Variants in AIF1L observed in about 807,000 individuals in gnomAD.
AIF1L encodes the protein allograft inflammatory factor 1-like.
Under a neutral mutation model 20.7 loss-of-function variants are expected in AIF1L, and 12 were observed. The ratio of observed to expected loss-of-function variants is 0.58; its 90% CI spans 0.37 to 0.94. The LOEUF (loss-of-function observed/expected upper bound fraction) is 0.94. Among genes scored for constraint, AIF1L ranks in the 40% least tolerant of loss-of-function variants. The pLI is 0.01. For synonymous variants in AIF1L, 76 were observed against 65.1 expected (o/e 1.17, Z -0.81); for missense variants, 173 against 185.3 (o/e 0.93, Z 0.39).
chr9:131,115,664 T>C (rs983130092), intron 4 of AIF1L, among the ~76,000 whole-genome samples: 2 of 131,100 alleles, frequency 1.5e-5, no homozygotes, highest in Non-Finnish European at 3.3e-5. Flanking sequence ...ATTTTGATCA[T>C]TTTTTTTTTT....
In AIF1L at chr9:131,121,107, T is replaced by G. The variant is rs1249429743; in HGVS notation, c.*785T>G. 2.8e-6 allele frequency: 2 copies of G among 715,214 alleles called. No individual in the cohort carries two copies. The allele number at this position is 715,214 out of a possible 1,614,324, so 44.3% of individuals were successfully genotyped here. On this transcript the variant is annotated 3_prime_UTR_variant, in exon 6 of 6. Coordinates refer to ENST00000247291, the MANE Select transcript of AIF1L (RefSeq NM_031426.4). ...GGTCAGCTCAGTGCTGTTCCACCTTTTAGGGAGGTTACTGAGGGGACCAGG... is the reference window on the plus strand; with the variant it reads ...GGTCAGCTCAGTGCTGTTCCACCTTGTAGGGAGGTTACTGAGGGGACCAGG...
chr9:131,102,840 C>T lies in AIF1L; in HGVS notation c.93+5977C>T, dbSNP rs561650722. The T allele has an allele frequency of 5.7e-5, 26 of 455,988 alleles. No homozygotes were observed. The East Asian group carries it at 1.4e-3, about 24-fold the overall frequency. The allele number at this position is 455,988 out of a possible 1,614,324, so 28.2% of individuals were successfully genotyped here. On this transcript the variant is annotated intron_variant, in intron 2 of 5. Transcript: ENST00000247291. The stretch of plus-strand genomic sequence containing the variant: ...ACGCCCCGGCATGGTGCTTCCTGTC[C>T]TTGGAGTTCTTGTCCAAGGCCTGAG...
intron 3 of AIF1L, among the ~76,000 whole-genome samples, chr9:131,113,104 G>T (rs538045120): frequency 7.2e-5 from 11 of 152,184 alleles, no homozygotes; most frequent in African/African-American, 2.6e-4. Context: ...TAAACAGAGA[G>T]CCGGGAAATA....
intron 2 of AIF1L, among the ~76,000 whole-genome samples, chr9:131,102,364 G>T (rs892188211): frequency 2.0e-5 from 3 of 152,184 alleles, no homozygotes; most frequent in East Asian, 1.9e-4. Context: ...AAGTATGCAG[G>T]TGTGTCTTTT....
In AIF1L at chr9:131,114,741, G is replaced by A. The variant is rs894682091; in HGVS notation, c.202+123G>A. On this transcript the variant is annotated intron_variant, in intron 4 of 5. Transcript: ENST00000247291. The stretch of plus-strand genomic sequence containing the variant: ...AAGGCTGGTGAATATGTTGCGCCGA[G>A]CCAGCCCCAGCCCCTTGCCTTCTGC... 92 of 1,239,704 alleles carry A rather than the reference G, an allele frequency of 7.4e-5. 3 individuals carry two copies. The highest frequency in any genetic ancestry group is 7.3e-4 in the South Asian group (60 of 82,488). The allele number at this position is 1,239,704 out of a possible 1,614,324, so 76.8% of individuals were successfully genotyped here.
intron 3 of AIF1L, chr9:131,114,189 C>T (rs1830956897): frequency 4.4e-6 from 1 of 226,772 alleles, no homozygotes; most frequent in African/African-American, 2.2e-5. Flanking sequence ...ACACCCATGC[C>T]TGCCCCCACC....
chr9:131,106,217 G>A, intron 2 of AIF1L: 1 of 1,535,894 alleles, frequency 6.5e-7, no homozygotes, highest in Non-Finnish European at 8.7e-7. Context: ...CGCAGCTACA[G>A]AGGATTTCAT....
chr9:131,111,588 C>G lies in AIF1L; in HGVS notation c.94-9C>G, dbSNP rs1341123016. The G allele has an allele frequency of 6.2e-6, 10 of 1,613,216 alleles. No homozygotes were observed. The highest frequency in any genetic ancestry group is 8.5e-6 in the Non-Finnish European group (10 of 1,179,406). ...TCCCTTGCTCAGCACTGTCCTCTCA[C>G]CTCTGTAGGAGTTTCTGTGTGACCA... On this transcript the variant is annotated splice_polypyrimidine_tract_variant and intron_variant, in intron 2 of 5. Coordinates refer to ENST00000247291, the MANE Select transcript of AIF1L (RefSeq NM_031426.4).
chr9:131,112,936 A>G (rs1170327921), intron 3 of AIF1L, among the ~76,000 whole-genome samples: 2 of 152,112 alleles, frequency 1.3e-5, no homozygotes, highest in African/African-American at 4.8e-5. Flanking sequence ...TGGGCCAGAC[A>G]GGAAGTTACA....
intron 3 of AIF1L, 59 bp from the exon 4 acceptor site, chr9:131,114,518 G>T: frequency 6.3e-7 from 1 of 1,590,482 alleles, no homozygotes; most frequent in Admixed American, 1.7e-5. Context: ...GAGCCACTGG[G>T]TCCCCACAGG....
chr9:131,109,657 TC>T (rs2133389445), intron 2 of AIF1L, among the ~76,000 whole-genome samples: 1 of 152,322 alleles, frequency 6.6e-6, no homozygotes, highest in South Asian at 2.1e-4. Flanking sequence ...GCCCTGTGCT[TC>T]CCCATCTGAA....
intron 2 of AIF1L, among the ~76,000 whole-genome samples, chr9:131,098,620 G>A (rs1168639634): frequency 6.6e-6 from 1 of 152,178 alleles, no homozygotes; most frequent in African/African-American, 2.4e-5. Context: ...TAGCCCTTGG[G>A]GAGGTGGGTT....
chr9:131,102,158 C>A (rs1019292231), intron 2 of AIF1L, among the ~76,000 whole-genome samples: 1 of 152,170 alleles, frequency 6.6e-6, no homozygotes, highest in Non-Finnish European at 1.5e-5. Context: ...AGTGATCCAC[C>A]CGCCTTGGCC....
At chr9:131,119,114 A>G (rs1831076443) in intron 5 of AIF1L, among the ~76,000 whole-genome samples, 1 of 152,252 alleles carries the variant, frequency 6.6e-6, no homozygotes, top group Admixed American at 6.5e-5. Context: ...GATGGCAAAC[A>G]CCTACTACGT....
chr9:131,105,851 G>A (rs1362188784), intron 2 of AIF1L, among the ~76,000 whole-genome samples: 1 of 135,540 alleles, frequency 7.4e-6, no homozygotes, highest in Non-Finnish European at 1.6e-5. Flanking sequence ...TTTTTTTTTA[G>A]AGACAGGGTC....
chr9:131,096,688 C>G, intron 1 of AIF1L, 28 bp downstream of exon 1: 3 of 1,457,234 alleles, frequency 2.1e-6, no homozygotes, highest in Non-Finnish European at 2.7e-6. Context: ...CGAGCAGCCA[C>G]CTGTGCGCGC....
intron 2 of AIF1L, among the ~76,000 whole-genome samples, chr9:131,105,836 T>A (rs1161724962): frequency 0.036 from 26 of 724 alleles, no homozygotes; most frequent in Non-Finnish European, 0.095. Flanking sequence ...TGTTGTTGCT[T>A]TTTTTTTTTT....
intron 3 of AIF1L, among the ~76,000 whole-genome samples, chr9:131,113,025 G>A (rs1034077160): frequency 5.9e-5 from 9 of 152,136 alleles, no homozygotes; most frequent in African/African-American, 1.9e-4. Context: ...CATGGTGAAC[G>A]TAAAAGGCAG....
At position 131,118,828 on chromosome 9, in the gene AIF1L, G is replaced by A. The variant is rs1333739012; in HGVS notation, c.365+910G>A. Among the ~76,000 whole-genome samples, 8 of 152,240 alleles carry A rather than the reference G, an allele frequency of 5.3e-5. No individual in the cohort carries two copies. In the East Asian group the frequency reaches 5.8e-4, roughly 11 times the overall value. The stretch of plus-strand genomic sequence containing the variant: ...CTCCCAAAGTGCTAGGATTACAGGC[G>A]TGAGCCACCATGCCTGGCAGTTTCC... On this transcript the variant is annotated intron_variant, in intron 5 of 5. Transcript: ENST00000247291.
Sources: allele counts gnomAD v4.1 joint callset (sites outside exome capture counted in the v4.1 genomes callset), GRCh38; gene constraint gnomAD v4.1.1; transcripts MANE v1.5; gene names NCBI Gene and HGNC (gene_info 2026-07-23, HGNC 2026-07-21).